CTDSP1: variants seen among roughly 807,000 people sequenced by gnomAD.
CTDSP1 encodes the protein CTD small phosphatase 1.
Under a neutral mutation model 32.5 loss-of-function variants are expected in CTDSP1, and 15 were observed. The observed-to-expected ratio is 0.46, with a 90% CI of 0.31 to 0.71. The LOEUF (loss-of-function observed/expected upper bound fraction) is 0.71, where lower values mean the gene tolerates loss of function less well. Among genes scored for constraint, CTDSP1 ranks in the 30% least tolerant of loss-of-function variants. CTDSP1 has a pLI of 0.05. For missense variants in CTDSP1, 294 were observed against 351.1 expected, an observed-to-expected ratio of 0.84 and a Z score of 1.30; for synonymous variants, 185 against 145.4, an observed-to-expected ratio of 1.27 and a Z score of -1.96.
chr2:218,397,312 C>T (rs866523620), upstream of CTDSP1, among the ~76,000 whole-genome samples: 3 of 152,304 alleles, frequency 2.0e-5, no homozygotes, highest in Middle Eastern at 3.4e-3. Flanking sequence ...CATAGTAGCT[C>T]TGGTTCTTCC....
rs1411971457 is a variant in CTDSP1 at position 218,403,046 on chromosome 2, G to A, written c.390G>A (p.Leu130=). The A allele has an allele frequency of 1.2e-6, 2 of 1,613,792 alleles. No homozygotes were observed. The highest frequency in any genetic ancestry group is 1.7e-6 in the Non-Finnish European group (2 of 1,179,972). The change falls in exon 5 of 7, where the codon TTG becomes TTA. Residue 130 remains leucine (L), a synonymous_variant. Transcript: ENST00000273062. ...GGCCCGCCCCCCAGGTCTACGTGTT[G>A]AAGCGTCCTCACGTGGATGAGTTCC... The part of the protein sequence containing the change: ...IDGVVHQVYV[L]KRPHVDEFLQ...
chr2:218,400,773 G>T (rs1211223593), intron 1 of CTDSP1: 1 of 454,306 alleles, frequency 2.2e-6, no homozygotes, highest in South Asian at 1.6e-5. Context: ...TAGTGGGCAC[G>T]CACCACCCCG....
chr2:218,402,258 A>AT (rs1484736980), intron 3 of CTDSP1, 43 bp downstream of exon 3: 16 of 1,607,570 alleles, frequency 1.0e-5, no homozygotes, highest in Non-Finnish European at 1.4e-5. Flanking sequence ...CTCGGGGGGC[A>AT]TCCCCCACCC....
chr2:218,404,268 C>G, intron 6 of CTDSP1, 29 bp from the exon 7 acceptor site: 1 of 1,609,934 alleles, frequency 6.2e-7, no homozygotes, highest in Non-Finnish European at 8.5e-7. Flanking sequence ...CCACCTGCCC[C>G]CCTCATCTTC....
rs1310759378 is a variant in CTDSP1, at chr2:218,401,660, C to T, written c.164C>T (p.Pro55Leu). 1.2e-6 allele frequency: 2 copies of T among 1,610,182 alleles called. No individual in the cohort carries two copies. The highest frequency in any genetic ancestry group is 1.7e-5 in the Admixed American group (1 of 59,336). ...CVCRDDGEALPAHSGAPLLVE... is the reference protein window; with the variant it reads ...CVCRDDGEALLAHSGAPLLVE... ...TGCCGGGATGATGGGGAGGCCCTGC[C>T]TGCTCACAGCGGGGCGCCCCTGCTT... Residue 55 changes from proline (P) to leucine (L), a missense_variant, in exon 2 of 7, where the codon CCT becomes CTT. This residue lies in a region of CTDSP1 where 148 missense variants were observed against 113.3 expected (regional missense o/e 1.31). Coordinates refer to ENST00000273062, the MANE Select transcript of CTDSP1 (RefSeq NM_021198.3).
chr2:218,400,282 C>A, intron 1 of CTDSP1, 125 bp downstream of exon 1: 1 of 861,994 alleles, frequency 1.2e-6, no homozygotes, highest in Non-Finnish European at 1.8e-6. Context: ...CCCGAAGCTC[C>A]CAGCCCGAGA....
Position 218,400,043 on chromosome 2 carries a change from C to T in CTDSP1, c.-48C>T. On this transcript the variant is annotated 5_prime_UTR_variant, in exon 1 of 7. Transcript: ENST00000273062. ...ATTCCGGCCCCAGCCGGGGGGGAGG[C>T]CGGGCGCCCGGGCCAGAGTCCGGCC... is the stretch of plus-strand genomic sequence containing the variant. The T allele has an allele frequency of 1.7e-6, 2 of 1,191,526 alleles. No individual in the cohort carries two copies. The highest frequency in any genetic ancestry group is 2.1e-6 in the Non-Finnish European group (2 of 947,338). The allele number at this position is 1,191,526 out of a possible 1,614,324, so 73.8% of individuals were successfully genotyped here.
chr2:218,402,955 C>A, intron 4 of CTDSP1, 80 bp from the exon 5 acceptor site: 1 of 1,061,724 alleles, frequency 9.4e-7, no homozygotes, highest in Non-Finnish European at 1.4e-6. Context: ...CTCTGCCTCC[C>A]TGGCCCATGC....
chr2:218,402,607 C>G (rs1485381012), intron 4 of CTDSP1: 1 of 755,558 alleles, frequency 1.3e-6, no homozygotes, highest in Non-Finnish European at 2.4e-6. Context: ...GGCTCCTCCT[C>G]TAGGCTCCCC....
intron 3 of CTDSP1, 50 bp from the exon 4 acceptor site, chr2:218,402,299 C>T: frequency 6.2e-7 from 1 of 1,613,028 alleles, no homozygotes. Flanking sequence ...TGCTGGACCC[C>T]ATGCCCTGGG....
At chr2:218,402,265 A>C in intron 3 of CTDSP1, 50 bp downstream of exon 3, 1 of 1,605,946 alleles carries the variant, frequency 6.2e-7, no homozygotes, top group Non-Finnish European at 8.5e-7. Flanking sequence ...GGCATCCCCC[A>C]CCCTGGCCTG....
Position 218,399,991 on chromosome 2 carries a change from C to G in CTDSP1, c.-100C>G, listed in dbSNP as rs1360492721. ...GGAGCTCGCGGGGATCCCTCCCTCC[C>G]ACCCCTCCCCTCCCCCCCGCGCCCC... On this transcript the variant is annotated 5_prime_UTR_variant, in exon 1 of 7. Coordinates refer to ENST00000273062, the MANE Select transcript of CTDSP1 (RefSeq NM_021198.3). 2 of 1,206,988 alleles carry G rather than the reference C, an allele frequency of 1.7e-6. No individual in the cohort carries two copies. Among genetic ancestry groups the G allele is most frequent in the Non-Finnish European group, 1.1e-6 (1 of 945,562 alleles). The allele number at this position is 1,206,988 out of a possible 1,614,324, so 74.8% of individuals were successfully genotyped here. A position where few individuals can be genotyped will look rare whatever the true frequency, so the allele number is the denominator to read the frequency against.
intron 1 of CTDSP1, chr2:218,400,954 G>T (rs115254818): frequency 4.4e-6 from 2 of 449,480 alleles, no homozygotes; most frequent in Non-Finnish European, 8.9e-6. Context: ...AGGTGGAAAG[G>T]CTAGTTGCAG....
chr2:218,402,939 G>A (rs1215201634), intron 4 of CTDSP1, 96 bp from the exon 5 acceptor site: 2 of 881,478 alleles, frequency 2.3e-6, no homozygotes, highest in African/African-American at 1.6e-5. Context: ...TCTCCTTCCT[G>A]TGCGCCTCTG....
chr2:218,398,585 C>T (rs1201936368), upstream of CTDSP1: 7 of 703,414 alleles, frequency 1.0e-5, no homozygotes, highest in Non-Finnish European at 1.5e-5. Flanking sequence ...CTCCCGGCCC[C>T]CGCGCGGGGC....
upstream of CTDSP1, chr2:218,398,707 G>A (rs866938344): frequency 1.5e-4 from 49 of 322,996 alleles, no homozygotes; most frequent in Middle Eastern, 8.1e-4. Flanking sequence ...AGGCCCGCGG[G>A]AGAGGGGGAG....
At chr2:218,400,416 T>G (rs998143168) in intron 1 of CTDSP1, 27 of 578,838 alleles carry the variant, frequency 4.7e-5, no homozygotes, top group Non-Finnish European at 6.9e-5. Context: ...AGGGAACTCT[T>G]CGGGGGTTTC....
chr2:218,400,446 G>T (rs1379122540), intron 1 of CTDSP1: 1 of 509,552 alleles, frequency 2.0e-6, no homozygotes, highest in Non-Finnish European at 3.6e-6. Context: ...ATTGCGTGGT[G>T]CATGGGCGCC....
chr2:218,404,588 G>A lies in CTDSP1; in HGVS notation c.*163G>A, dbSNP rs1697317709. The A allele has an allele frequency of 6.1e-6, 5 of 816,464 alleles. No homozygotes were observed. Among genetic ancestry groups the A allele is most frequent in the Middle Eastern group, 3.7e-4 (1 of 2,684 alleles). 50.6% of individuals were successfully genotyped at this position (816,464 alleles called of 1,614,324 possible). On this transcript the variant is annotated 3_prime_UTR_variant, in exon 7 of 7. Transcript: ENST00000273062. ...ACCAGCCCCACCAGGCGGTGTAGGG[G>A]CAGCAGGCTGCACTGAGGACCGTGA...
Sources: allele counts gnomAD v4.1 joint callset (sites outside exome capture counted in the v4.1 genomes callset), GRCh38; gene constraint gnomAD v4.1.1; regional missense constraint gnomAD v4.1.1; transcripts MANE v1.5; gene names NCBI Gene and HGNC (gene_info 2026-07-23, HGNC 2026-07-21).